Variants in GUF1 observed in about 807,000 individuals in gnomAD.
GUF1 encodes the protein translation factor GUF1, mitochondrial.
Under a neutral mutation model 82.4 loss-of-function variants are expected in GUF1, and 78 were observed. The ratio of observed to expected loss-of-function variants is 0.95; its 90% CI spans 0.79 to 1.14. The LOEUF is 1.14. GUF1 is among the 50% of genes most tolerant of loss of function. The pLI, the probability that GUF1 is intolerant of heterozygous loss-of-function variation, is 0.00. For missense variants in GUF1, 814 were observed against 798.2 expected (o/e 1.02, Z -0.24); for synonymous variants, 279 against 282.3 (o/e 0.99, Z 0.12).
At chr4:44,686,044 G>T (rs376747842) in intron 7 of GUF1, 21 bp downstream of exon 7, 2 of 1,509,932 alleles carry the variant, frequency 1.3e-6, no homozygotes, top group Admixed American at 3.4e-5. Context: ...GGTGATTTTT[G>T]TACTAGTTGT....
At chr4:44,678,895 G>C (rs780612450) in intron 1 of GUF1, 108 bp downstream of exon 1, 8 of 1,159,578 alleles carry the variant, frequency 6.9e-6, no homozygotes, top group Non-Finnish European at 9.4e-6. Context: ...AACCCTGCTT[G>C]CAACTTGGTA....
At chr4:44,683,365 T>A in intron 6 of GUF1, 47 bp downstream of exon 6, 1 of 1,084,088 alleles carries the variant, frequency 9.2e-7, no homozygotes, top group Non-Finnish European at 1.3e-6. Flanking sequence ...AAGTCTCAAG[T>A]AATTGGGCTA....
chr4:44,695,794 G>T, intron 15 of GUF1, 60 bp downstream of exon 15: 1 of 1,513,366 alleles, frequency 6.6e-7, no homozygotes, highest in South Asian at 1.2e-5. Context: ...CCTAAAAAGT[G>T]AAAGAATATT....
intron 4 of GUF1, among the ~76,000 whole-genome samples, chr4:44,681,939 T>C (rs2109633479): frequency 6.6e-6 from 1 of 152,230 alleles, no homozygotes; most frequent in Middle Eastern, 3.4e-3. Context: ...ATGCCTGATG[T>C]AGTTTCTGGC....
intron 11 of GUF1, among the ~76,000 whole-genome samples, chr4:44,690,332 A>G (rs1715353447): frequency 6.6e-6 from 1 of 151,834 alleles, no homozygotes; most frequent in Non-Finnish European, 1.5e-5. Flanking sequence ...TATCTCGTAA[A>G]AAGTGAAGCA....
At chr4:44,682,162 A>G in intron 4 of GUF1, 172 bp from the exon 5 acceptor site, 1 of 395,936 alleles carries the variant, frequency 2.5e-6, no homozygotes, top group South Asian at 7.3e-5. Flanking sequence ...GACCCCAAAG[A>G]CATAAGTTGG....
At position 44,694,458 on chromosome 4, in the gene GUF1, A is replaced by G; in HGVS notation, c.1660A>G (p.Met554Val). The change falls in exon 14 of 17, where the codon ATG becomes GTG. Residue 554 changes from methionine (M) to valine (V), a missense_variant. By Grantham distance (21) the Met-to-Val change is conservative. Coordinates refer to ENST00000281543, the MANE Select transcript of GUF1 (RefSeq NM_021927.3). Reference sequence around the variant, plus strand: ...CTACCAGACTGCAGAACTTGTAAAAATGGATATTCTACTGAATGGAAATAC... The same window carrying G: ...CTACCAGACTGCAGAACTTGTAAAAGTGGATATTCTACTGAATGGAAATAC... ...AGYQTAELVK[M>V]DILLNGNTVE... is the part of the protein sequence containing the mutation. The G allele has an allele frequency of 6.2e-7, 1 of 1,612,744 alleles. No homozygotes were observed. The highest frequency in any genetic ancestry group is 1.7e-5 in the Admixed American group (1 of 59,962).
chr4:44,696,707 T>G (rs1715849370), intron 15 of GUF1, among the ~76,000 whole-genome samples: 1 of 152,210 alleles, frequency 6.6e-6, no homozygotes, highest in African/African-American at 2.4e-5. Context: ...ACTGTTTTGC[T>G]TTGGTTAGTT....
At position 44,698,748 on chromosome 4, in the gene GUF1, A is replaced by C; in HGVS notation, c.*67A>C. The C allele has an allele frequency of 6.9e-7, 1 of 1,443,232 alleles. No individual in the cohort carries two copies. The highest frequency in any genetic ancestry group is 9.4e-7 in the Non-Finnish European group (1 of 1,064,448). 89.4% of individuals were successfully genotyped at this position (1,443,232 alleles called of 1,614,324 possible). ...GCTGACAACAGAAAGAAAATTATAA[A>C]ATTTGCTTGTTACTTTCAGGGTATT... On this transcript the variant is annotated 3_prime_UTR_variant, in exon 17 of 17. Coordinates refer to ENST00000281543, the MANE Select transcript of GUF1 (RefSeq NM_021927.3).
intron 13 of GUF1, among the ~76,000 whole-genome samples, chr4:44,693,605 A>G (rs1281613107): frequency 6.6e-6 from 1 of 152,212 alleles, no homozygotes; most frequent in East Asian, 1.9e-4. Flanking sequence ...TAGAAACCAA[A>G]TATAATTTTG....
At chr4:44,697,253 T>G (rs1013475295) in intron 15 of GUF1, among the ~76,000 whole-genome samples, 155 bp from the exon 16 acceptor site, 4 of 152,178 alleles carry the variant, frequency 2.6e-5, no homozygotes, top group African/African-American at 9.6e-5. Flanking sequence ...ACAAGAGCAT[T>G]TGAAGTATCT....
chr4:44,696,645 G>C (rs1715846732), intron 15 of GUF1, among the ~76,000 whole-genome samples: 5 of 152,120 alleles, frequency 3.3e-5, no homozygotes, highest in Non-Finnish European at 7.3e-5. Context: ...TGTTAATATA[G>C]ACTTGAGGTT....
chr4:44,682,149 A>T lies in GUF1; in HGVS notation c.508-185A>T, dbSNP rs75308594. The T allele has an allele frequency of 8.6e-3, 3,269 of 380,130 alleles. 86 individuals carry two copies. The highest frequency in any genetic ancestry group is 0.057 in the African/African-American group (2,705 of 47,718). The allele number at this position is 380,130 out of a possible 1,614,324, so 23.5% of individuals were successfully genotyped here. A position where few individuals can be genotyped will look rare whatever the true frequency, so the allele number is the denominator to read the frequency against. Reference sequence around the variant, plus strand: ...TTGCTTTACCATCAGCGATTTTCATATTGACCCCAAAGACATAAGTTGGAG... The same window carrying T: ...TTGCTTTACCATCAGCGATTTTCATTTTGACCCCAAAGACATAAGTTGGAG... On this transcript the variant is annotated intron_variant, in intron 4 of 16. Coordinates refer to ENST00000281543, the MANE Select transcript of GUF1 (RefSeq NM_021927.3).
At chr4:44,682,694 T>C (rs1436994559) in intron 5 of GUF1, 1 of 213,008 alleles carries the variant, frequency 4.7e-6, no homozygotes, top group Admixed American at 5.9e-5. Flanking sequence ...GATTAAACCA[T>C]ACATAGGAAA....
intron 14 of GUF1, among the ~76,000 whole-genome samples, 187 bp downstream of exon 14, chr4:44,694,700 A>C (rs2109664947): frequency 6.8e-6 from 1 of 147,462 alleles, no homozygotes; most frequent in South Asian, 2.1e-4. Context: ...ACAGAGCTAT[A>C]ATAGTCAAAA....
intron 1 of GUF1, among the ~76,000 whole-genome samples, chr4:44,679,710 A>G (rs1714653157): frequency 6.6e-6 from 1 of 152,138 alleles, no homozygotes; most frequent in Admixed American, 6.5e-5. Context: ...CGTGAATTTT[A>G]TATTTCATTG....
In GUF1 at chr4:44,699,368, G is replaced by A. The variant is rs1294912613; in HGVS notation, c.*687G>A. On this transcript the variant is annotated 3_prime_UTR_variant, in exon 17 of 17. Coordinates refer to ENST00000281543, the MANE Select transcript of GUF1 (RefSeq NM_021927.3). ...CGGCTAATTTTTTGTATCTTTAGTA[G>A]AGTCGGGGTTTCACCATGTTGGCCA... The A allele has an allele frequency of 6.6e-6, 1 of 152,280 alleles. No individual in the cohort carries two copies. Among genetic ancestry groups the A allele is most frequent in the East Asian group, 1.9e-4 (1 of 5,148 alleles). 9.4% of individuals were successfully genotyped at this position (152,280 alleles called of 1,614,324 possible).
chr4:44,694,561 T>G (rs1310682574), intron 14 of GUF1, 48 bp downstream of exon 14: 1 of 1,145,026 alleles, frequency 8.7e-7, no homozygotes, highest in Non-Finnish European at 1.3e-6. Flanking sequence ...ACTTTTGATA[T>G]GTTTTTCATT....
Position 44,678,736 on chromosome 4 carries a change from T to C in GUF1, c.114T>C (p.Ala38=). The C allele has an allele frequency of 6.5e-7, 1 of 1,532,996 alleles. No individual in the cohort carries two copies. Among genetic ancestry groups the C allele is most frequent in the Non-Finnish European group, 8.7e-7 (1 of 1,150,800 alleles). 95.0% of individuals were successfully genotyped at this position (1,532,996 alleles called of 1,614,324 possible). The change falls in exon 1 of 17, where the codon GCT becomes GCC. Residue 38 remains alanine (A), a synonymous_variant. Transcript: ENST00000281543. ...PGPRSAPTLG[A]APESWATDRL... ...CCCGGTCCGCGCCGACCCTTGGGGCTGCTCCAGAGTCCTGGGCTACCGACA... is the reference window on the plus strand; with the variant it reads ...CCCGGTCCGCGCCGACCCTTGGGGCCGCTCCAGAGTCCTGGGCTACCGACA...
Sources: allele counts gnomAD v4.1 joint callset (sites outside exome capture counted in the v4.1 genomes callset), GRCh38; gene constraint gnomAD v4.1.1; transcripts MANE v1.5; gene names NCBI Gene and HGNC (gene_info 2026-07-23, HGNC 2026-07-21).